ZNF444: variants seen among roughly 807,000 people sequenced by gnomAD.
The protein encoded by ZNF444 is zinc finger protein 444.
ZNF444 carries 8 observed loss-of-function variants against 14.4 expected under a neutral mutation model. That is an observed-to-expected ratio of 0.56 (90% CI 0.33 to 1.00). The LOEUF (loss-of-function observed/expected upper bound fraction) is 1.00. ZNF444 is among the 50% of genes least tolerant of loss of function. The probability of loss-of-function intolerance (pLI) is 0.03; values close to 1 mark genes in which losing one functional copy is unlikely to be tolerated. For synonymous variants in ZNF444, 258 were observed against 235.9 expected (o/e 1.09, Z -0.86); for missense variants, 510 against 504.8 (o/e 1.01, Z -0.10).
chr19:56,138,138 T>G (rs1365935914), upstream of ZNF444, among the ~76,000 whole-genome samples: 2 of 151,572 alleles, frequency 1.3e-5, no homozygotes, highest in African/African-American at 4.9e-5. Context: ...AAAACAAAAT[T>G]CCTCTGATAA....
intron 1 of ZNF444, among the ~76,000 whole-genome samples, chr19:56,135,219 A>G (rs1353129117): frequency 6.6e-6 from 1 of 152,092 alleles, no homozygotes; most frequent in East Asian, 1.9e-4. Context: ...TGACAGGGCG[A>G]GACTCTGTCT....
intron 1 of ZNF444, among the ~76,000 whole-genome samples, chr19:56,135,375 C>T (rs1454061442): frequency 3.3e-5 from 5 of 152,162 alleles, no homozygotes; most frequent in African/African-American, 1.2e-4. Flanking sequence ...CAACAGACAA[C>T]TTGACTCAAA....
intron 1 of ZNF444, among the ~76,000 whole-genome samples, chr19:56,134,511 C>G (rs1294011327): frequency 1.3e-5 from 2 of 152,186 alleles, no homozygotes; most frequent in Non-Finnish European, 2.9e-5. Context: ...AGAGGGGGCT[C>G]TGCGGAAGCT....
At chr19:56,139,557 A>C (rs1219449806), upstream of ZNF444, among the ~76,000 whole-genome samples, 1 of 152,092 alleles carries the variant, frequency 6.6e-6, no homozygotes, top group Non-Finnish European at 1.5e-5. Context: ...ATGGTGGTGC[A>C]CGCCTGTAGT....
upstream of ZNF444, among the ~76,000 whole-genome samples, chr19:56,140,685 CA>C (rs3834637): frequency 2.9e-4 from 43 of 150,260 alleles, no homozygotes; most frequent in Middle Eastern, 6.8e-3. Flanking sequence ...AGAGGGAGGA[CA>C]AAAAAAAATG....
At chr19:56,141,635 G>C (rs1209522233) in intron 1 of ZNF444, 1 of 61,264 alleles carries the variant, frequency 1.6e-5, no homozygotes, top group South Asian at 1.2e-3. Context: ...GAGGACGGGG[G>C]AGGGGCGCCT....
chr19:56,151,756 G>T, intron 3 of ZNF444: 2 of 446,556 alleles, frequency 4.5e-6, no homozygotes, highest in Non-Finnish European at 4.5e-6. Flanking sequence ...ACATCTGGGG[G>T]CATCTAGTGG....
intron 1 of ZNF444, chr19:56,141,736 T>G: frequency 2.9e-5 from 4 of 138,532 alleles, no homozygotes; most frequent in Non-Finnish European, 3.1e-5. Flanking sequence ...GAAAGCTGAG[T>G]GGGAAGCTGG....
At chr19:56,141,481 G>A (rs1476929178) in intron 1 of ZNF444, 124 bp downstream of exon 1, 1 of 106,264 alleles carries the variant, frequency 9.4e-6, no homozygotes, top group East Asian at 2.7e-4. Context: ...CTTGCGGGGA[G>A]GGGAGGAGAA....
rs1246575472 is a variant in ZNF444 at position 56,147,083 on chromosome 19, C to CAGAT, written c.173_176dup (p.Met59IlefsTer86). The CAGAT allele has an allele frequency of 1.3e-6, 2 of 1,588,780 alleles. No homozygotes were observed. The highest frequency in any genetic ancestry group is 2.3e-5 in the South Asian group (2 of 88,494). On this transcript the variant is annotated frameshift_variant, in exon 3 of 5. Coordinates refer to ENST00000337080, the MANE Select transcript of ZNF444 (RefSeq NM_018337.4). LOFTEE classifies it high-confidence loss of function. This position sits in a 1 kb window ranked among gnomAD's most constrained non-coding sequence, Gnocchi z 5.9. ...GCGGCCCGAGGTGCACACCAAGGAG[C>CAGAT]AGATGTTGGAGCTGCTGGTGCTGGA... is the stretch of plus-strand genomic sequence containing the variant.
intron 3 of ZNF444, chr19:56,154,387 C>G (rs537301188): frequency 5.9e-5 from 9 of 152,178 alleles, no homozygotes; most frequent in Non-Finnish European, 1.2e-4. Context: ...CTGCAACCTC[C>G]GCCTCCCATG....
At chr19:56,155,805 G>A (rs1020856506) in intron 3 of ZNF444, 1 of 152,198 alleles carries the variant, frequency 6.6e-6, no homozygotes, top group Admixed American at 6.5e-5. Context: ...GTTGGAGGGG[G>A]TGTCCCCTCA....
At chr19:56,139,732 A>G (rs1254423759), upstream of ZNF444, among the ~76,000 whole-genome samples, 1 of 151,710 alleles carries the variant, frequency 6.6e-6, no homozygotes, top group Non-Finnish European at 1.5e-5. Context: ...AAAAAAAGAA[A>G]AAAGAATCAA....
At chr19:56,158,282 G>A (rs971875709) in intron 3 of ZNF444, 4 of 480,300 alleles carry the variant, frequency 8.3e-6, no homozygotes, top group African/African-American at 6.1e-5. Flanking sequence ...AAGGTTGGTG[G>A]CTTCAAGATG....
Position 56,159,480 on chromosome 19 carries a change from T to C in ZNF444, c.407-144T>C. 1.1e-5 allele frequency: 7 copies of C among 641,960 alleles called. No individual in the cohort carries two copies. The South Asian group carries it at 1.5e-4, about 14-fold the overall frequency. The allele number at this position is 641,960 out of a possible 1,614,324, so 39.8% of individuals were successfully genotyped here. A position where few individuals can be genotyped will look rare whatever the true frequency, so the allele number is the denominator to read the frequency against. On this transcript the variant is annotated intron_variant, in intron 4 of 4. Transcript: ENST00000337080. Reference sequence around the variant, plus strand: ...ACTACTAGGTACCGGGACACAGGTATGAATAAGAAGCCCACAGCCCAGCCC... The same window carrying C: ...ACTACTAGGTACCGGGACACAGGTACGAATAAGAAGCCCACAGCCCAGCCC...
At chr19:56,153,939 ACTC>A (rs2031740434) in intron 3 of ZNF444, among the ~76,000 whole-genome samples, 1 of 152,176 alleles carries the variant, frequency 6.6e-6, no homozygotes, top group Non-Finnish European at 1.5e-5. Flanking sequence ...CAAGGTCCAA[ACTC>A]AATATTTGAA....
chr19:56,146,850 G>T lies in ZNF444; in HGVS notation c.-22-40G>T, dbSNP rs559358132. 6.6e-5 allele frequency: 87 copies of T among 1,320,436 alleles called. 1 individual carries two copies. In the East Asian group the frequency reaches 2.4e-3, roughly 36 times the overall value. 81.8% of individuals were successfully genotyped at this position (1,320,436 alleles called of 1,614,324 possible). ...TGTGAGTCTGGGCACCGCGGGCAGG[G>T]TCTCGGCGGGCAGGGGTCTCACCGG... On this transcript the variant is annotated intron_variant, in intron 2 of 4. Coordinates refer to ENST00000337080, the MANE Select transcript of ZNF444 (RefSeq NM_018337.4).
upstream of ZNF444, among the ~76,000 whole-genome samples, chr19:56,137,887 C>A (rs568673900): frequency 1.3e-5 from 2 of 151,542 alleles, no homozygotes; most frequent in African/African-American, 4.9e-5. Flanking sequence ...TTTGGGAGGC[C>A]GAGGCGGGTG....
chr19:56,137,391 G>A (rs1409507519), upstream of ZNF444, among the ~76,000 whole-genome samples: 1 of 151,934 alleles, frequency 6.6e-6, no homozygotes, highest in Non-Finnish European at 1.5e-5. Flanking sequence ...AATCGCTTAA[G>A]CCTGGGAGAA....
Sources: gnomAD v4.1 joint callset for allele counts (sites outside exome capture counted in the v4.1 genomes callset) on GRCh38, gnomAD v4.1.1 for gene constraint, Gnocchi (gnomAD v3.1) non-coding constraint, MANE v1.5 for transcripts, NCBI Gene and HGNC (gene_info 2026-07-23, HGNC 2026-07-21) for gene names.